Variants in ABCA3 observed in about 807,000 individuals in gnomAD.
ABCA3 encodes ATP binding cassette subfamily A member 3, also known as phospholipid-transporting ATPase ABCA3.
Under a neutral mutation model 172.8 loss-of-function variants are expected in ABCA3, and 88 were observed. The observed-to-expected ratio is 0.51, with a 90% CI of 0.43 to 0.61. ABCA3 has a LOEUF of 0.61. Among genes scored for constraint, ABCA3 ranks in the 20% least tolerant of loss-of-function variants. The pLI is 0.00. For missense variants in ABCA3, 2,164 were observed against 2,301.0 expected (o/e 0.94, Z 1.22); for synonymous variants, 1,066 against 983.8 (o/e 1.08, Z -1.56).
rs148221984 is a variant in ABCA3 at position 2,319,630 on chromosome 16, G to A, written c.824C>T (p.Ala275Val). 1.1e-3 allele frequency: 1,826 copies of A among 1,613,518 alleles called. 28 individuals carry two copies. Among genetic ancestry groups the A allele is most frequent in the Non-Finnish European group, 1.4e-4 (166 of 1,180,024 alleles). ...LLLLLSFTYT[A>V]LTIARAVVQE... The stretch of plus-strand genomic sequence containing the variant: ...CACGACAGCACGGGCAATGGTGAGC[G>A]CGGTGTAGGTGAAGCTGAGCAGCAG... The change falls in exon 8 of 33, where the codon GCG becomes GTG. Residue 275 changes from alanine to valine, a missense_variant. By Grantham distance (64) the Ala-to-Val change is moderately conservative. Around this residue, in one of 3 missense-constraint regions of ABCA3, gnomAD observed 1,343 missense variants for 1,369.6 expected, o/e 0.98. Transcript: ENST00000301732.
At position 2,289,450 on chromosome 16, in the gene ABCA3, A is replaced by G. The variant is rs1244964571; in HGVS notation, c.2684T>C (p.Val895Ala). The G allele has an allele frequency of 6.7e-7, 1 of 1,485,566 alleles. No homozygotes were observed. The highest frequency in any genetic ancestry group is 9.0e-7 in the Non-Finnish European group (1 of 1,106,326). The allele number at this position is 1,485,566 out of a possible 1,614,324, so 92.0% of individuals were successfully genotyped here. A position where few individuals can be genotyped will look rare whatever the true frequency, so the allele number is the denominator to read the frequency against. The change falls in exon 20 of 33, where the codon GTC becomes GCC. Residue 895 changes from valine to alanine, a missense_variant. Val to Ala is a moderately conservative substitution (Grantham distance 64). Around this residue, in one of 3 missense-constraint regions of ABCA3, gnomAD observed 1,343 missense variants for 1,369.6 expected, o/e 0.98. Coordinates refer to ENST00000301732, the MANE Select transcript of ABCA3 (RefSeq NM_001089.3). Reference sequence around the variant, plus strand: ...GGCACTCACCCCAGTGTTGAGCTTGACAGCGGTGCGCTCCTCCTCGATGAG... The same window carrying G: ...GGCACTCACCCCAGTGTTGAGCTTGGCAGCGGTGCGCTCCTCCTCGATGAG... The part of the protein sequence containing the change: ...GALIEEERTA[V>A]KLNTGLALHC...
intron 19 of ABCA3, among the ~76,000 whole-genome samples, chr16:2,290,222 C>T (rs1474582304): frequency 6.6e-6 from 1 of 152,160 alleles, no homozygotes; most frequent in Non-Finnish European, 1.5e-5. Flanking sequence ...TTCTCCCAGT[C>T]CCACTCATCT....
intron 7 of ABCA3, 129 bp from the exon 8 acceptor site, chr16:2,319,969 C>T (rs189789377): frequency 1.1e-5 from 14 of 1,243,726 alleles, no homozygotes; most frequent in African/African-American, 8.9e-5. Flanking sequence ...TCAGGACCCC[C>T]GTGGCCGCTC....
rs761600720 is a variant in ABCA3, at chr16:2,285,405, C to G, written c.3483+37G>C. 1.3e-5 allele frequency: 21 copies of G among 1,576,670 alleles called. No individual in the cohort carries two copies. Among genetic ancestry groups the G allele is most frequent in the Non-Finnish European group, 1.8e-5 (21 of 1,161,464 alleles). On this transcript the variant is annotated intron_variant, in intron 23 of 32. Transcript: ENST00000301732. This position sits in a 1 kb window ranked among gnomAD's most constrained non-coding sequence, Gnocchi z 4.7. ...GGTCCCAGGGCAAGCCCTCTGCGGT[C>G]TGCAGGGGAACGGATCCAGCACCCT...
Position 2,324,469 on chromosome 16 carries a change from T to C in ABCA3, c.382A>G (p.Ser128Gly), listed in dbSNP as rs762775158. ...DYIRYDNCSS[S>G]VLAAVVFEHP... ...TCGAAGACCACGGCGGCCAGCACGC[T>C]GGACGAGCAGTTGTCGTACCTAATG... The change falls in exon 6 of 33, where the codon AGC becomes GGC. Residue 128 changes from serine (S) to glycine (G), a missense_variant. By Grantham distance (56) the Ser-to-Gly change is moderately conservative. This residue lies in a region of ABCA3 where 1,343 missense variants were observed against 1,369.6 expected (regional missense o/e 0.98). Transcript: ENST00000301732. The C allele has an allele frequency of 8.1e-6, 13 of 1,610,140 alleles. No individual in the cohort carries two copies. Among genetic ancestry groups the C allele is most frequent in the Non-Finnish European group, 1.7e-6 (2 of 1,179,900 alleles).
At chr16:2,299,601 C>G in intron 13 of ABCA3, 69 bp from the exon 14 acceptor site, 1 of 1,602,718 alleles carries the variant, frequency 6.2e-7, no homozygotes, top group Non-Finnish European at 8.5e-7. Context: ...GCCTCTCCTG[C>G]TCCCCTGCCC....
At chr16:2,330,129 C>T (rs1402483973) in intron 1 of ABCA3, among the ~76,000 whole-genome samples, 2 of 151,648 alleles carry the variant, frequency 1.3e-5, no homozygotes, top group Non-Finnish European at 2.9e-5. Flanking sequence ...AACCCTGTCT[C>T]TACTAAAAAC....
At chr16:2,325,487 T>C (rs1286570149) in intron 5 of ABCA3, among the ~76,000 whole-genome samples, 1 of 152,126 alleles carries the variant, frequency 6.6e-6, no homozygotes, top group East Asian at 1.9e-4. Flanking sequence ...AGAAGAGATT[T>C]GATGCTAGAT....
At position 2,287,110 on chromosome 16, in the gene ABCA3, G is replaced by A; in HGVS notation, c.3005-143C>T. The A allele has an allele frequency of 2.1e-6, 2 of 939,354 alleles. No homozygotes were observed. The highest frequency in any genetic ancestry group is 3.2e-6 in the Non-Finnish European group (2 of 634,720). The allele number at this position is 939,354 out of a possible 1,614,324, so 58.2% of individuals were successfully genotyped here. ...CCCGCCCCATCACCCTTCTCCTAAG[G>A]AGAGTATAATTTCTGGCAAGGTTTT... On this transcript the variant is annotated intron_variant, in intron 21 of 32. Coordinates refer to ENST00000301732, the MANE Select transcript of ABCA3 (RefSeq NM_001089.3). This position sits in a 1 kb window ranked among gnomAD's most constrained non-coding sequence, Gnocchi z 4.1.
chr16:2,310,520 T>C (rs1310285004), intron 10 of ABCA3, among the ~76,000 whole-genome samples: 1 of 144,274 alleles, frequency 6.9e-6, no homozygotes, highest in African/African-American at 2.5e-5. Flanking sequence ...TTTTTCTTTC[T>C]TTTTTTTTTT....
intron 1 of ABCA3, chr16:2,332,336 G>A (rs879436397): frequency 2.7e-5 from 20 of 734,746 alleles, no homozygotes; most frequent in South Asian, 4.5e-5. Flanking sequence ...TTCTAGTAGC[G>A]AGCACAGGCA....
chr16:2,278,842 G>T lies in ABCA3; in HGVS notation c.4547+101C>A. The T allele has an allele frequency of 6.5e-7, 1 of 1,531,794 alleles. No homozygotes were observed. Among genetic ancestry groups the T allele is most frequent in the Non-Finnish European group, 9.0e-7 (1 of 1,116,160 alleles). 94.9% of individuals were successfully genotyped at this position (1,531,794 alleles called of 1,614,324 possible). Reference sequence around the variant, plus strand: ...CAGCTCCATCCTGGAGCCACAAGCAGGAGCTCTGGCTGCTGACCTGAGCGG... The same window carrying T: ...CAGCTCCATCCTGGAGCCACAAGCATGAGCTCTGGCTGCTGACCTGAGCGG... On this transcript the variant is annotated intron_variant, in intron 29 of 32. Coordinates refer to ENST00000301732, the MANE Select transcript of ABCA3 (RefSeq NM_001089.3). The surrounding 1 kb of genome is among the most constrained non-coding windows in gnomAD (Gnocchi z 4.4).
chr16:2,288,464 A>C, intron 20 of ABCA3, 135 bp from the exon 21 acceptor site: 2 of 1,096,226 alleles, frequency 1.8e-6, no homozygotes, highest in Non-Finnish European at 2.6e-6. Context: ...GGAGACTCCC[A>C]GAGCGTTGAA....
rs1411266786 is a variant in ABCA3, at chr16:2,301,098, G to A, written c.1468-950C>T. Reference sequence around the variant, plus strand: ...ACAAAAAAATTAGCCGGGCGTGGTGGTGGGCGCCTATAGTCCCAGCTACTC... The same window carrying A: ...ACAAAAAAATTAGCCGGGCGTGGTGATGGGCGCCTATAGTCCCAGCTACTC... On this transcript the variant is annotated intron_variant, in intron 12 of 32. Transcript: ENST00000301732. Among the ~76,000 whole-genome samples the A allele has an allele frequency of 4.6e-5, 7 of 151,666 alleles. No individual in the cohort carries two copies. In the East Asian group the frequency reaches 1.2e-3, roughly 25 times the overall value.
chr16:2,281,015 G>A lies in ABCA3; in HGVS notation c.4359+12C>T, dbSNP rs1029584079. 5 of 1,613,812 alleles carry A rather than the reference G, an allele frequency of 3.1e-6. No homozygotes were observed. Among genetic ancestry groups the A allele is most frequent in the Admixed American group, 1.7e-5 (1 of 60,006 alleles). ...TGTCTCACCCCTTCAGAGCCTCCCT[G>A]GCTGCACCCACCTTTCCGACATCAG... is the stretch of plus-strand genomic sequence containing the variant. On this transcript the variant is annotated intron_variant, in intron 28 of 32. Transcript: ENST00000301732. The surrounding 1 kb of genome is among the most constrained non-coding windows in gnomAD (Gnocchi z 4.7).
chr16:2,291,917 T>C (rs780167342), intron 19 of ABCA3, among the ~76,000 whole-genome samples: 6 of 151,678 alleles, frequency 4.0e-5, no homozygotes, highest in South Asian at 2.1e-4. Flanking sequence ...CTACTAAAAA[T>C]ACAAAATTAG....
Position 2,289,443 on chromosome 16 carries a change from G to A in ABCA3, c.2691C>T (p.Leu897=), listed in dbSNP as rs375096653. ...CCACCTGGGCACTCACCCCAGTGTTGAGCTTGACAGCGGTGCGCTCCTCCT... is the reference window on the plus strand; with the variant it reads ...CCACCTGGGCACTCACCCCAGTGTTAAGCTTGACAGCGGTGCGCTCCTCCT... ...LIEEERTAVK[L]NTGLALHCQQ... Residue 897 remains leucine, a synonymous_variant, in exon 20 of 33, where the codon CTC becomes CTT. Transcript: ENST00000301732. The A allele has an allele frequency of 6.2e-6, 9 of 1,444,306 alleles. No individual in the cohort carries two copies. In the African/African-American group the frequency reaches 8.5e-5, roughly 14 times the overall value. The allele number at this position is 1,444,306 out of a possible 1,614,324, so 89.5% of individuals were successfully genotyped here.
At chr16:2,339,913 C>G (rs543022912) in intron 1 of ABCA3, among the ~76,000 whole-genome samples, 1 of 152,268 alleles carries the variant, frequency 6.6e-6, no homozygotes, top group Non-Finnish European at 1.5e-5. Context: ...GCGTCCTGAC[C>G]GAGGGCGCCG....
Position 2,297,081 on chromosome 16 carries a change from T to C in ABCA3, c.2263+248A>G, listed in dbSNP as rs981820926. Among the ~76,000 whole-genome samples, 1 of 152,168 alleles carries C rather than the reference T, an allele frequency of 6.6e-6. No homozygotes were observed. The highest frequency in any genetic ancestry group is 2.4e-5 in the African/African-American group (1 of 41,436). Reference sequence around the variant, plus strand: ...GTGCTGCTCCTAGTGGCACTAGGCTTGGCCTCTGTTCTTCTGGTCATGGCT... The same window carrying C: ...GTGCTGCTCCTAGTGGCACTAGGCTCGGCCTCTGTTCTTCTGGTCATGGCT... On this transcript the variant is annotated intron_variant, in intron 17 of 32. Transcript: ENST00000301732. The surrounding 1 kb of genome is among the most constrained non-coding windows in gnomAD (Gnocchi z 5.6).
Sources: allele counts gnomAD v4.1 joint callset (sites outside exome capture counted in the v4.1 genomes callset), GRCh38; gene constraint gnomAD v4.1.1; regional missense constraint gnomAD v4.1.1; non-coding constraint Gnocchi (gnomAD v3.1); transcripts MANE v1.5; gene names NCBI Gene and HGNC (gene_info 2026-07-23, HGNC 2026-07-21).